Variants in TIMD4 observed in about 807,000 individuals in gnomAD.
TIMD4 encodes T-cell immunoglobulin and mucin domain-containing protein 4.
In TIMD4, 31 loss-of-function variants were observed where a neutral mutation model predicts 41.2. The ratio of observed to expected loss-of-function variants is 0.75; its 90% CI spans 0.57 to 1.01. The LOEUF (loss-of-function observed/expected upper bound fraction) is 1.01, where lower values mean the gene tolerates loss of function less well. Among genes scored for constraint, TIMD4 ranks in the 50% least tolerant of loss-of-function variants. The pLI, the probability that TIMD4 is intolerant of heterozygous loss-of-function variation, is 0.00. For missense variants in TIMD4, 479 were observed against 472.5 expected (o/e 1.01, Z -0.13); for synonymous variants, 204 against 177.1 (o/e 1.15, Z -1.21).
chr5:156,949,641 G>A lies in TIMD4; in HGVS notation c.760+10C>T. ...GTGAGGGAGGACAGAGAGAGTGAGT[G>A]TCTGCACACCTTTGGATGTCAGCAG... On this transcript the variant is annotated intron_variant, in intron 4 of 8. Transcript: ENST00000274532. The A allele has an allele frequency of 3.1e-6, 5 of 1,604,454 alleles. No individual in the cohort carries two copies. The highest frequency in any genetic ancestry group is 1.3e-5 in the African/African-American group (1 of 74,834).
intron 1 of TIMD4, among the ~76,000 whole-genome samples, chr5:156,958,344 GAAA>G (rs1760018096): frequency 7.4e-6 from 1 of 135,868 alleles, no homozygotes; most frequent in Non-Finnish European, 1.5e-5. Context: ...GAAAGGAAAG[GAAA>G]GGAAAGGAAA....
chr5:156,923,931 G>A (rs1314855249), intron 6 of TIMD4, among the ~76,000 whole-genome samples: 1 of 151,878 alleles, frequency 6.6e-6, no homozygotes, highest in Non-Finnish European at 1.5e-5. Flanking sequence ...TCAACCTCCT[G>A]GACTCAAGTG....
chr5:156,949,114 A>C (rs1014300530), intron 4 of TIMD4, among the ~76,000 whole-genome samples: 1 of 152,192 alleles, frequency 6.6e-6, no homozygotes, highest in Admixed American at 6.5e-5. Flanking sequence ...CGTGATGCCA[A>C]TCGTGTCTTA....
chr5:156,949,775 T>G (rs376519953), intron 3 of TIMD4, 44 bp from the exon 4 acceptor site: 14 of 1,286,052 alleles, frequency 1.1e-5, no homozygotes, highest in Non-Finnish European at 1.6e-5. Flanking sequence ...GAAAAGTAGT[T>G]ATTGTGTTTG....
At chr5:156,923,499 T>G (rs759124250) in intron 6 of TIMD4, among the ~76,000 whole-genome samples, 33 of 151,908 alleles carry the variant, frequency 2.2e-4, no homozygotes, top group Non-Finnish European at 4.3e-4. Context: ...TGCTGAGCAG[T>G]CTAGAGAATC....
At position 156,934,979 on chromosome 5, in the gene TIMD4, C is replaced by T. The variant is rs531358083; in HGVS notation, c.845-8667G>A. 7.9e-5 allele frequency among the ~76,000 whole-genome samples: 12 copies of T among 152,246 alleles called. No homozygotes were observed. The East Asian group carries it at 1.7e-3, about 22-fold the overall frequency. On this transcript the variant is annotated intron_variant, in intron 5 of 8. Transcript: ENST00000274532. The stretch of plus-strand genomic sequence containing the variant: ...AGTCAACTCAAAGATACAACTTCAA[C>T]GCAATCCTAGAATTTTAGAAGTGAC...
At chr5:156,947,180 A>G (rs1247974130) in intron 5 of TIMD4, among the ~76,000 whole-genome samples, 7 of 152,000 alleles carry the variant, frequency 4.6e-5, no homozygotes, top group African/African-American at 1.7e-4. Context: ...CTTGGGCTAC[A>G]GAGTGAGGCT....
At chr5:156,938,789 A>G (rs1024029696) in intron 5 of TIMD4, among the ~76,000 whole-genome samples, 2 of 152,192 alleles carry the variant, frequency 1.3e-5, no homozygotes, top group African/African-American at 4.8e-5. Flanking sequence ...CACAGAGCTC[A>G]TACTCTCTGT....
At chr5:156,921,184 A>C (rs1426798871) in intron 7 of TIMD4, among the ~76,000 whole-genome samples, 1 of 152,140 alleles carries the variant, frequency 6.6e-6, no homozygotes, top group Non-Finnish European at 1.5e-5. Flanking sequence ...TAACTTAATG[A>C]AAACTACAGA....
At chr5:156,923,309 C>T (rs533435393) in intron 6 of TIMD4, among the ~76,000 whole-genome samples, 4 of 151,640 alleles carry the variant, frequency 2.6e-5, no homozygotes, top group African/African-American at 4.8e-5. Flanking sequence ...TATCCAAGCC[C>T]GGCTAATTTT....
chr5:156,920,269 T>C (rs1374679890), intron 8 of TIMD4, among the ~76,000 whole-genome samples, 195 bp downstream of exon 8: 6 of 152,240 alleles, frequency 3.9e-5, no homozygotes, highest in Non-Finnish European at 8.8e-5. Flanking sequence ...TACTGGCATT[T>C]TGCTCAGAGT....
intron 5 of TIMD4, among the ~76,000 whole-genome samples, chr5:156,942,062 G>C (rs752372481): frequency 6.6e-6 from 1 of 152,114 alleles, no homozygotes; most frequent in Non-Finnish European, 1.5e-5. Flanking sequence ...GTTAAGTATC[G>C]CAAGGAAAGA....
At chr5:156,923,640 G>A (rs1168709794) in intron 6 of TIMD4, among the ~76,000 whole-genome samples, 1 of 151,710 alleles carries the variant, frequency 6.6e-6, no homozygotes, top group East Asian at 1.9e-4. Context: ...CCGGGTTCAA[G>A]CAATCCTCCC....
intron 5 of TIMD4, among the ~76,000 whole-genome samples, chr5:156,933,466 C>G (rs900589099): frequency 6.7e-6 from 1 of 150,360 alleles, no homozygotes; most frequent in African/African-American, 2.4e-5. Context: ...AACCCCCCCC[C>G]AAAAAAAGCT....
chr5:156,932,300 A>T, intron 5 of TIMD4, among the ~76,000 whole-genome samples: 1 of 152,214 alleles, frequency 6.6e-6, no homozygotes, highest in Non-Finnish European at 1.5e-5. Flanking sequence ...TGCTTGAGGC[A>T]AGAGCAAACT....
chr5:156,925,765 A>T (rs1759336041), intron 6 of TIMD4, among the ~76,000 whole-genome samples: 1 of 152,250 alleles, frequency 6.6e-6, no homozygotes, highest in Non-Finnish European at 1.5e-5. Flanking sequence ...GTAACAATCA[A>T]GGTTATTTCT....
chr5:156,951,511 C>T lies in TIMD4; in HGVS notation c.679+1G>A. On this transcript the variant is annotated splice_donor_variant, in intron 3 of 8. Coordinates refer to ENST00000274532, the MANE Select transcript of TIMD4 (RefSeq NM_138379.3). LOFTEE classifies it high-confidence loss of function. ...AAGAAACCCAAGATACATCTGCGTA[C>T]CTGCAGTGAGGATGGGCCCTTCCTT... 3 of 1,614,086 alleles carry T rather than the reference C, an allele frequency of 1.9e-6. No homozygotes were observed. The highest frequency in any genetic ancestry group is 1.7e-6 in the Non-Finnish European group (2 of 1,179,996).
rs1753107980 is a variant in TIMD4, at chr5:156,963,193, G to C, written c.6C>G (p.Ser2=). ...TCAGCCAGAGAATGAGAGGTTCTTT[G>C]GACATTTTGACGGTTGACCGGACCC... The part of the protein sequence containing the change: M[S]KEPLILWLMI... The change falls in exon 1 of 9, where the codon TCC becomes TCG. Residue 2 remains serine, a synonymous_variant. Transcript: ENST00000274532. 2 of 1,614,124 alleles carry C rather than the reference G, an allele frequency of 1.2e-6. No homozygotes were observed. Among genetic ancestry groups the C allele is most frequent in the Non-Finnish European group, 1.7e-6 (2 of 1,179,970 alleles).
At chr5:156,940,605 G>A (rs1337877931) in intron 5 of TIMD4, among the ~76,000 whole-genome samples, 15 of 141,198 alleles carry the variant, frequency 1.1e-4, no homozygotes, top group African/African-American at 2.1e-4. Context: ...CTGCCCGGCC[G>A]CCCCGTCTGG....
Sources: gnomAD v4.1 joint callset for allele counts (sites outside exome capture counted in the v4.1 genomes callset) on GRCh38, gnomAD v4.1.1 for gene constraint, MANE v1.5 for transcripts, NCBI Gene and HGNC (gene_info 2026-07-23, HGNC 2026-07-21) for gene names.